The following CDK6 variants were observed in gnomAD, a reference collection of about 807,000 sequenced individuals.
CDK6 encodes cyclin dependent kinase 6.
In CDK6, 6 loss-of-function variants were observed where a neutral mutation model predicts 37.1. The observed-to-expected ratio is 0.16, with a 90% confidence interval of 0.09 to 0.32. CDK6 has a LOEUF of 0.32. Among genes scored for constraint, CDK6 ranks in the 10% least tolerant of loss-of-function variants. CDK6 has a pLI of 1.00. For synonymous variants in CDK6, 160 were observed against 161.3 expected (o/e 0.99, Z 0.06); for missense variants, 224 against 418.9 (o/e 0.53, Z 4.06).
chr7:92,753,314 C>T (rs1484216913), intron 3 of CDK6, among the ~76,000 whole-genome samples: 2 of 151,940 alleles, frequency 1.3e-5, no homozygotes, highest in Non-Finnish European at 2.9e-5. Flanking sequence ...AGTGATTGAG[C>T]CCATACTCAT....
At chr7:92,726,596 A>G (rs1290674791) in intron 3 of CDK6, among the ~76,000 whole-genome samples, 5 of 152,124 alleles carry the variant, frequency 3.3e-5, no homozygotes. Context: ...GTTTTTGCAG[A>G]GATGCGATCT....
chr7:92,671,183 T>C (rs1797064276), intron 5 of CDK6: 1 of 323,344 alleles, frequency 3.1e-6, no homozygotes, highest in Non-Finnish European at 5.6e-6. Context: ...ATGTAACTTA[T>C]AAGAACAGTG....
At chr7:92,747,005 T>C (rs1799076342) in intron 3 of CDK6, among the ~76,000 whole-genome samples, 2 of 152,158 alleles carry the variant, frequency 1.3e-5, no homozygotes, top group African/African-American at 2.4e-5. Flanking sequence ...TCTAGTATTG[T>C]GGCACCTCTC....
In CDK6 at chr7:92,725,809, A is replaced by G. The variant is rs1351469377; in HGVS notation, c.370-16T>C. On this transcript the variant is annotated splice_polypyrimidine_tract_variant and intron_variant, in intron 3 of 7. Transcript: ENST00000424848. ...ACATCATATCCTAATAAAATTAAAA[A>G]AAGAAAATCAGTAAACACTCAAAAC... The G allele has an allele frequency of 6.2e-7, 1 of 1,601,324 alleles. No homozygotes were observed.
At chr7:92,825,228 T>C (rs1801279518) in intron 2 of CDK6, among the ~76,000 whole-genome samples, 1 of 152,158 alleles carries the variant, frequency 6.6e-6, no homozygotes, top group Non-Finnish European at 1.5e-5. Context: ...CATAAATACT[T>C]GCTGAATGCC....
At chr7:92,784,390 G>A (rs1457437562) in intron 2 of CDK6, among the ~76,000 whole-genome samples, 2 of 152,272 alleles carry the variant, frequency 1.3e-5, no homozygotes, top group African/African-American at 4.8e-5. Flanking sequence ...CCTGCCAATG[G>A]AGAAAATTAG....
chr7:92,718,446 T>G (rs1402724795), intron 4 of CDK6, among the ~76,000 whole-genome samples: 2 of 152,336 alleles, frequency 1.3e-5, no homozygotes, highest in East Asian at 3.9e-4. Flanking sequence ...CAGGTCTCCA[T>G]AGTAAATACA....
intron 3 of CDK6, among the ~76,000 whole-genome samples, chr7:92,774,354 A>G (rs1329915989): frequency 1.3e-5 from 2 of 152,228 alleles, no homozygotes; most frequent in East Asian, 3.8e-4. Context: ...AACCATCAGA[A>G]GAAGACTGAG....
chr7:92,675,816 G>C (rs1320273726), intron 4 of CDK6, among the ~76,000 whole-genome samples: 1 of 151,972 alleles, frequency 6.6e-6, no homozygotes, highest in Non-Finnish European at 1.5e-5. Context: ...TAATGATAAA[G>C]GATTTTCCTA....
intron 4 of CDK6, among the ~76,000 whole-genome samples, chr7:92,672,160 T>TATATATATACACAC (rs1210519115): frequency 2.5e-5 from 2 of 79,090 alleles, no homozygotes; most frequent in Middle Eastern, 7.0e-3. Flanking sequence ...TATATATATA[T>TATATATATACACAC]ACACATACAC....
chr7:92,727,378 G>A (rs749612974), intron 3 of CDK6, among the ~76,000 whole-genome samples: 4 of 152,150 alleles, frequency 2.6e-5, no homozygotes, highest in South Asian at 2.1e-4. Context: ...TTTAGAGTTC[G>A]GAGTTCTGTC....
chr7:92,697,708 C>G (rs1797751916), intron 4 of CDK6, among the ~76,000 whole-genome samples: 1 of 152,106 alleles, frequency 6.6e-6, no homozygotes, highest in Non-Finnish European at 1.5e-5. Context: ...TTATTGGGGA[C>G]TCCAAGGCAT....
At chr7:92,832,839 C>T (rs1474473760) in intron 2 of CDK6, among the ~76,000 whole-genome samples, 1 of 152,224 alleles carries the variant, frequency 6.6e-6, no homozygotes, top group Non-Finnish European at 1.5e-5. Context: ...TTCTAAGTTG[C>T]ACAGCTGCAG....
chr7:92,780,023 G>A (rs933759203), intron 2 of CDK6, among the ~76,000 whole-genome samples: 1 of 152,112 alleles, frequency 6.6e-6, no homozygotes, highest in African/African-American at 2.4e-5. Context: ...CTGTTGTCCA[G>A]GCTGGAGTGC....
At chr7:92,648,505 G>C (rs182881976) in intron 5 of CDK6, among the ~76,000 whole-genome samples, 91 of 152,330 alleles carry the variant, frequency 6.0e-4, no homozygotes, top group Non-Finnish European at 1.1e-3. Context: ...ATGAATCCCT[G>C]ATGTTTGAGA....
At chr7:92,658,121 A>G (rs1257093695) in intron 5 of CDK6, among the ~76,000 whole-genome samples, 1 of 152,184 alleles carries the variant, frequency 6.6e-6, no homozygotes, top group Non-Finnish European at 1.5e-5. Flanking sequence ...TTCATCTTTG[A>G]GAATCTCAAT....
At chr7:92,621,809 C>A (rs1243293535) in intron 6 of CDK6, among the ~76,000 whole-genome samples, 1 of 152,100 alleles carries the variant, frequency 6.6e-6, no homozygotes, top group Non-Finnish European at 1.5e-5. Context: ...CAGGAAGCCC[C>A]CAGGCATAAA....
Position 92,632,864 on chromosome 7 carries a change from A to G in CDK6, c.648-9778T>C, listed in dbSNP as rs556447111. Among the ~76,000 whole-genome samples, 150 of 152,002 alleles carry G rather than the reference A, an allele frequency of 9.9e-4. 3 individuals are homozygous for G. In the South Asian group the frequency reaches 0.015, roughly 16 times the overall value. On this transcript the variant is annotated intron_variant, in intron 5 of 7. Transcript: ENST00000424848. ...AAATAGAGTAAATAGATGAAAATAA[A>G]TTACACAGCATCACTTCCATTCTTT...
chr7:92,813,881 T>A (rs1800953445), intron 2 of CDK6, among the ~76,000 whole-genome samples: 2 of 152,066 alleles, frequency 1.3e-5, no homozygotes, highest in Admixed American at 6.6e-5. Flanking sequence ...TGAGACTTCA[T>A]AGGAAAAAAA....
Sources: allele counts gnomAD v4.1 joint callset (sites outside exome capture counted in the v4.1 genomes callset), GRCh38; gene constraint gnomAD v4.1.1; transcripts MANE v1.5; gene names NCBI Gene and HGNC (gene_info 2026-07-23, HGNC 2026-07-21).